The following DMD variants were observed in gnomAD, a reference collection of about 807,000 sequenced individuals.
DMD encodes the protein dystrophin, also known as mutant dystrophin.
Under a neutral mutation model 330.1 loss-of-function variants are expected in DMD, and 63 were observed. The observed-to-expected ratio is 0.19, with a 90% confidence interval of 0.16 to 0.24. DMD has a LOEUF of 0.24. Among genes scored for constraint, DMD ranks in the 10% least tolerant of loss-of-function variants. DMD has a pLI of 1.00. For synonymous variants in DMD, 1,223 were observed against 959.8 expected (o/e 1.27, Z -5.07); for missense variants, 3,344 against 2,684.1 (o/e 1.25, Z -5.43).
intron 55 of DMD, among the ~76,000 whole-genome samples, chrX:31,550,673 A>C (rs1381194899): frequency 8.9e-6 from 1 of 111,833 alleles, no homozygotes; most frequent in Non-Finnish European, 1.9e-5. Context: ...CCAGTAAATA[A>C]TTTGAGTATA....
intron 2 of DMD, among the ~76,000 whole-genome samples, chrX:32,933,234 G>C (rs1007702895): frequency 1.8e-5 from 2 of 111,927 alleles, no homozygotes; most frequent in Non-Finnish European, 3.8e-5. Context: ...GTAGAGACTA[G>C]AGATATTAAG....
rs749503414 is a variant in DMD, at chrX:32,231,155, G to A, written c.6291-14092C>T. Among the ~76,000 whole-genome samples the A allele has an allele frequency of 2.9e-4, 32 of 111,942 alleles. No homozygotes were observed. In the South Asian group the frequency reaches 3.3e-3, roughly 12 times the overall value. On this transcript the variant is annotated intron_variant, in intron 43 of 78. Transcript: ENST00000357033. ...AAATGGAATCATATGTCTTTGTTTC[G>A]TTCTCAACGAGGGAGGAACAGTACA...
chrX:32,196,809 C>G (rs754865921), intron 44 of DMD, among the ~76,000 whole-genome samples: 1 of 108,937 alleles, frequency 9.2e-6, no homozygotes, highest in Non-Finnish European at 1.9e-5. Flanking sequence ...CACGGTGAAA[C>G]CCCGTCTCTA....
chrX:31,419,707 T>C (rs2063260944), intron 60 of DMD, among the ~76,000 whole-genome samples: 1 of 111,685 alleles, frequency 9.0e-6, no homozygotes, highest in Non-Finnish European at 1.9e-5. Flanking sequence ...GCTGCTTAAT[T>C]AGTACTTGTG....
chrX:32,588,965 T>C (rs776253255), intron 13 of DMD, among the ~76,000 whole-genome samples: 6 of 111,428 alleles, frequency 5.4e-5, no homozygotes, highest in African/African-American at 1.3e-4. Flanking sequence ...CTTGTTGAGT[T>C]TGAAGTGTTG....
At chrX:32,683,515 C>T (rs1201186914) in intron 9 of DMD, among the ~76,000 whole-genome samples, 2 of 107,504 alleles carry the variant, frequency 1.9e-5, no homozygotes, top group African/African-American at 6.9e-5. Flanking sequence ...AAGCTGGAAA[C>T]CATCATTCTC....
chrX:32,065,578 C>A (rs1012853286), intron 44 of DMD, among the ~76,000 whole-genome samples: 4 of 111,805 alleles, frequency 3.6e-5, no homozygotes, highest in Non-Finnish European at 7.6e-5. Context: ...AACTTAATAA[C>A]ACAGACATTG....
intron 52 of DMD, among the ~76,000 whole-genome samples, chrX:31,699,198 C>T (rs1468106024): frequency 8.9e-6 from 1 of 112,049 alleles, no homozygotes; most frequent in Non-Finnish European, 1.9e-5. Flanking sequence ...TTGGACTTTT[C>T]TGGGGCTTCT....
intron 41 of DMD, among the ~76,000 whole-genome samples, chrX:32,329,837 G>A (rs911156927): frequency 2.7e-5 from 3 of 112,495 alleles, no homozygotes; most frequent in African/African-American, 9.7e-5. Context: ...CCCATGCACT[G>A]ATATCCAGAA....
intron 52 of DMD, among the ~76,000 whole-genome samples, chrX:31,681,060 T>C (rs1383731530): frequency 9.0e-6 from 1 of 111,124 alleles, no homozygotes; most frequent in African/African-American, 3.3e-5. Flanking sequence ...ACCTCTATCA[T>C]TTTTTGCCCT....
At chrX:31,422,740 T>C (rs1246183859) in intron 60 of DMD, among the ~76,000 whole-genome samples, 1 of 112,067 alleles carries the variant, frequency 8.9e-6, no homozygotes, top group Admixed American at 9.5e-5. Context: ...ACCAGTTACT[T>C]TGGAAAGTAT....
At chrX:32,052,264 AT>A (rs11285928) in intron 44 of DMD, among the ~76,000 whole-genome samples, 18,174 of 105,655 alleles carry the variant, frequency 0.17, 2,118 homozygotes, top group African/African-American at 0.39. Flanking sequence ...AAGGTCCATA[AT>A]TTTTTTTTTT....
intron 16 of DMD, among the ~76,000 whole-genome samples, chrX:32,556,254 C>T (rs148117531): frequency 2.1e-3 from 234 of 111,761 alleles, no homozygotes; most frequent in African/African-American, 7.2e-3. Context: ...CACATCAAAA[C>T]CACAATGAGA....
At chrX:33,335,256 A>G (rs749318447) in intron 1 of DMD, among the ~76,000 whole-genome samples, 1 of 108,744 alleles carries the variant, frequency 9.2e-6, no homozygotes, top group Non-Finnish European at 1.9e-5. Context: ...ATATACATAT[A>G]CCATACCTAT....
At chrX:32,821,701 G>C (rs1388418721) in intron 5 of DMD, among the ~76,000 whole-genome samples, 2 of 111,614 alleles carry the variant, frequency 1.8e-5, no homozygotes, top group African/African-American at 6.5e-5. Context: ...CTCATTGCAA[G>C]AAGCCAGACA....
intron 2 of DMD, among the ~76,000 whole-genome samples, chrX:32,909,127 T>A (rs1280921618): frequency 1.0e-5 from 1 of 96,423 alleles, no homozygotes; most frequent in African/African-American, 3.8e-5. Flanking sequence ...CTAAAAAGGA[T>A]TATGTAGTCT....
At chrX:31,330,755 G>A (rs750099118) in intron 61 of DMD, among the ~76,000 whole-genome samples, 7 of 111,892 alleles carry the variant, frequency 6.3e-5, no homozygotes, top group South Asian at 3.7e-4. Context: ...GTAGTTATTA[G>A]TGTTGAATAT....
chrX:31,511,230 C>A (rs189096735), intron 55 of DMD, among the ~76,000 whole-genome samples: 3 of 70,626 alleles, frequency 4.2e-5, no homozygotes, highest in African/African-American at 2.1e-4. Context: ...AAGGAATATA[C>A]ATTATACATA....
At chrX:31,793,283 C>T (rs751015558) in intron 50 of DMD, among the ~76,000 whole-genome samples, 5 of 110,614 alleles carry the variant, frequency 4.5e-5, no homozygotes, top group South Asian at 3.9e-4. Context: ...CTTTGAGCTG[C>T]GGTTTCAGGC....
Sources: allele counts gnomAD v4.1 joint callset (sites outside exome capture counted in the v4.1 genomes callset), GRCh38; gene constraint gnomAD v4.1.1; transcripts MANE v1.5; gene names NCBI Gene and HGNC (gene_info 2026-07-23, HGNC 2026-07-21).